Variants in SLC9A2 observed in about 807,000 individuals in gnomAD.
The protein encoded by SLC9A2 is sodium/hydrogen exchanger 2.
Under a neutral mutation model 71.7 loss-of-function variants are expected in SLC9A2, and 42 were observed. That is an observed-to-expected ratio of 0.59 (90% CI 0.46 to 0.76). The LOEUF (loss-of-function observed/expected upper bound fraction) is 0.76, where lower values mean the gene tolerates loss of function less well. Ranked by LOEUF, SLC9A2 falls within the 30% of genes least tolerant of loss-of-function variation. The probability of loss-of-function intolerance (pLI) is 0.00; values close to 1 mark genes in which losing one functional copy is unlikely to be tolerated. For missense variants in SLC9A2, 829 were observed against 1,017.4 expected (o/e 0.81, Z 2.52); for synonymous variants, 396 against 392.5 (o/e 1.01, Z -0.10).
At chr2:102,649,684 A>G (rs1676794585) in intron 1 of SLC9A2, among the ~76,000 whole-genome samples, 1 of 152,214 alleles carries the variant, frequency 6.6e-6, no homozygotes, top group Admixed American at 6.5e-5. Flanking sequence ...TGCTTCTCAA[A>G]AGAAGACATT....
intron 2 of SLC9A2, among the ~76,000 whole-genome samples, chr2:102,664,189 T>C (rs1027808774): frequency 1.3e-5 from 2 of 150,222 alleles, no homozygotes; most frequent in East Asian, 3.9e-4. Context: ...GGCAGGAGAA[T>C]GGCTTGAACC....
intron 1 of SLC9A2, among the ~76,000 whole-genome samples, chr2:102,639,560 A>T (rs915922924): frequency 4.6e-5 from 7 of 152,232 alleles, no homozygotes; most frequent in African/African-American, 1.4e-4. Context: ...AGCAGTGCTT[A>T]TGCAGTCACA....
chr2:102,673,283 A>G (rs1239142437), intron 3 of SLC9A2, among the ~76,000 whole-genome samples: 2 of 152,228 alleles, frequency 1.3e-5, no homozygotes, highest in African/African-American at 4.8e-5. Flanking sequence ...GGTACAACGC[A>G]TAATAAATCC....
In SLC9A2 at chr2:102,670,064, C is replaced by T. The variant is rs535740100; in HGVS notation, c.1004+4714C>T. Among the ~76,000 whole-genome samples the T allele has an allele frequency of 1.9e-4, 28 of 149,914 alleles. No individual in the cohort carries two copies. In the East Asian group the frequency reaches 5.5e-3, roughly 29 times the overall value. ...TTATTTTTTTTGAGACAGAGTCTTG[C>T]TCTGTTGCCCAGGCTGGAATGCAGT... On this transcript the variant is annotated intron_variant, in intron 3 of 11. Transcript: ENST00000233969.
chr2:102,642,784 A>AT (rs1269809316), intron 1 of SLC9A2, among the ~76,000 whole-genome samples: 2 of 152,004 alleles, frequency 1.3e-5, no homozygotes, highest in Non-Finnish European at 1.5e-5. Context: ...GGACCTGGAG[A>AT]TTTTTTGGGG....
At chr2:102,702,093 A>G (rs1294161611) in intron 8 of SLC9A2, among the ~76,000 whole-genome samples, 1 of 152,182 alleles carries the variant, frequency 6.6e-6, no homozygotes, top group Non-Finnish European at 1.5e-5. Context: ...AAACTATTCT[A>G]TTTTACTTTA....
At chr2:102,663,892 G>A (rs1287474164) in intron 2 of SLC9A2, among the ~76,000 whole-genome samples, 2 of 152,166 alleles carry the variant, frequency 1.3e-5, no homozygotes, top group East Asian at 1.9e-4. Flanking sequence ...TTCGCTGAGT[G>A]GCCCCAGACA....
At chr2:102,706,530 A>C (rs1237288161) in intron 11 of SLC9A2, among the ~76,000 whole-genome samples, 1 of 152,180 alleles carries the variant, frequency 6.6e-6, no homozygotes, top group Admixed American at 6.5e-5. Flanking sequence ...CATATGTAAC[A>C]AACCTGCACA....
chr2:102,673,756 G>A (rs1025711658), intron 3 of SLC9A2, among the ~76,000 whole-genome samples: 3 of 151,634 alleles, frequency 2.0e-5, no homozygotes, highest in African/African-American at 7.3e-5. Flanking sequence ...AAGATAATAA[G>A]TCAGAAATGT....
chr2:102,689,028 T>C (rs1271331931), intron 5 of SLC9A2, among the ~76,000 whole-genome samples: 1 of 152,168 alleles, frequency 6.6e-6, no homozygotes, highest in East Asian at 1.9e-4. Context: ...TCTGGGGTTT[T>C]ATTATACTTG....
intron 1 of SLC9A2, among the ~76,000 whole-genome samples, chr2:102,645,816 C>T (rs903672644): frequency 2.0e-5 from 3 of 151,966 alleles, no homozygotes; most frequent in African/African-American, 7.2e-5. Flanking sequence ...AAAGACCAAA[C>T]CTATGATTGA....
chr2:102,665,171 C>T lies in SLC9A2; in HGVS notation c.825C>T (p.Ile275=), dbSNP rs1431914223. 7 of 1,613,846 alleles carry T rather than the reference C, an allele frequency of 4.3e-6. No individual in the cohort carries two copies. The highest frequency in any genetic ancestry group is 1.7e-5 in the Admixed American group (1 of 59,974). The part of the protein sequence containing the change: ...TIETIDVFAG[I]ANFFVVGIGG... ...AGACCATTGATGTGTTTGCAGGAAT[C>T]GCCAACTTCTTTGTTGTGGGAATCG... The change falls in exon 3 of 12, where the codon ATC becomes ATT. Residue 275 remains isoleucine, a synonymous_variant. Transcript: ENST00000233969.
intron 7 of SLC9A2, chr2:102,697,218 G>A (rs950810064): frequency 6.6e-6 from 1 of 152,124 alleles, no homozygotes; most frequent in Non-Finnish European, 1.5e-5. Context: ...AATATAGATC[G>A]GCCTCACACA....
chr2:102,633,161 T>C (rs941585542), intron 1 of SLC9A2, among the ~76,000 whole-genome samples: 5 of 152,214 alleles, frequency 3.3e-5, no homozygotes, highest in Non-Finnish European at 5.9e-5. Context: ...ATTCATTGTC[T>C]TATTTAATTC....
chr2:102,632,384 C>T (rs7602160), intron 1 of SLC9A2, among the ~76,000 whole-genome samples: 117,579 of 150,614 alleles, frequency 0.78, 47,042 homozygotes, highest in East Asian at 1. Flanking sequence ...GTGTTTATTA[C>T]ATTAATATTA....
At chr2:102,683,659 ATCCTCCTCT>A (rs1677497216) in intron 4 of SLC9A2, among the ~76,000 whole-genome samples, 181 bp downstream of exon 4, 1 of 147,108 alleles carries the variant, frequency 6.8e-6, no homozygotes. Context: ...TCTCTCCTAT[ATCCTCCTCT>A]TCCTCCTTTT....
chr2:102,637,834 G>A (rs1307756013), intron 1 of SLC9A2, among the ~76,000 whole-genome samples: 2 of 152,210 alleles, frequency 1.3e-5, no homozygotes, highest in African/African-American at 4.8e-5. Context: ...TCATTGCTGT[G>A]GTTGAGACTA....
intron 1 of SLC9A2, among the ~76,000 whole-genome samples, chr2:102,634,103 ACT>A (rs987420079): frequency 2.6e-5 from 4 of 151,750 alleles, no homozygotes; most frequent in East Asian, 1.9e-4. Flanking sequence ...ATTTGGAGAA[ACT>A]CTTTTTTTTC....
intron 4 of SLC9A2, 67 bp downstream of exon 4, chr2:102,683,545 G>T (rs1677494610): frequency 8.1e-7 from 1 of 1,236,542 alleles, no homozygotes; most frequent in Non-Finnish European, 1.2e-6. Flanking sequence ...CTTTCCTTTT[G>T]TCATTCCCTT....
Sources: gnomAD v4.1 joint callset for allele counts (sites outside exome capture counted in the v4.1 genomes callset) on GRCh38, gnomAD v4.1.1 for gene constraint, MANE v1.5 for transcripts, NCBI Gene and HGNC (gene_info 2026-07-23, HGNC 2026-07-21) for gene names.